CRY1: variants seen among roughly 807,000 people sequenced by gnomAD.
CRY1 encodes the protein cryptochrome-1.
CRY1 carries 45 observed loss-of-function variants against 76.0 expected under a neutral mutation model. The observed-to-expected ratio is 0.59, with a 90% confidence interval of 0.47 to 0.76. The LOEUF (loss-of-function observed/expected upper bound fraction) is 0.76, where lower values mean the gene tolerates loss of function less well. Among genes scored for constraint, CRY1 ranks in the 30% least tolerant of loss-of-function variants. The pLI, the probability that CRY1 is intolerant of heterozygous loss-of-function variation, is 0.00. For missense variants in CRY1, 587 were observed against 716.4 expected, an observed-to-expected ratio of 0.82 and a Z score of 2.06; for synonymous variants, 248 against 244.0, an observed-to-expected ratio of 1.02 and a Z score of -0.15.
At chr12:107,024,578 C>T (rs986122826) in intron 1 of CRY1, among the ~76,000 whole-genome samples, 25 of 152,004 alleles carry the variant, frequency 1.6e-4, no homozygotes, top group African/African-American at 5.1e-4. Flanking sequence ...GGTCTCCCCA[C>T]GTTGCCCAGG....
chr12:107,052,115 A>C (rs1262373355), intron 1 of CRY1, among the ~76,000 whole-genome samples: 1 of 152,172 alleles, frequency 6.6e-6, no homozygotes, highest in East Asian at 1.9e-4. Context: ...TTACTTGGTA[A>C]GGATGATTTT....
intron 1 of CRY1, among the ~76,000 whole-genome samples, chr12:107,060,806 G>A (rs1472232389): frequency 2.0e-5 from 3 of 151,914 alleles, no homozygotes; most frequent in Admixed American, 6.6e-5. Context: ...GTGAAACCCC[G>A]TCTCTACTAA....
At chr12:107,061,342 C>T (rs956122850) in intron 1 of CRY1, among the ~76,000 whole-genome samples, 2 of 151,640 alleles carry the variant, frequency 1.3e-5, no homozygotes, top group Non-Finnish European at 2.9e-5. Context: ...TGCTTCAATT[C>T]AGGAAATAGT....
chr12:107,053,856 C>T (rs896310473), intron 1 of CRY1, among the ~76,000 whole-genome samples: 1 of 152,018 alleles, frequency 6.6e-6, no homozygotes, highest in African/African-American at 2.4e-5. Flanking sequence ...GATATTACCC[C>T]CAAAAAAAGT....
chr12:107,003,291 G>T (rs767679013), intron 3 of CRY1, among the ~76,000 whole-genome samples: 24 of 152,118 alleles, frequency 1.6e-4, no homozygotes, highest in Non-Finnish European at 3.1e-4. Flanking sequence ...GGTAGTTAAA[G>T]ATTAAGTTTA....
intron 1 of CRY1, among the ~76,000 whole-genome samples, chr12:107,053,032 C>A (rs967832340): frequency 2.0e-5 from 3 of 152,028 alleles, no homozygotes; most frequent in African/African-American, 7.2e-5. Flanking sequence ...ATGAGATGGT[C>A]CGAACTTGGA....
chr12:106,993,146 G>A, intron 10 of CRY1, 110 bp from the exon 11 acceptor site: 1 of 976,928 alleles, frequency 1.0e-6, no homozygotes, highest in Non-Finnish European at 1.5e-6. Context: ...TCATTTATAT[G>A]CTTTTAAGAC....
At chr12:107,029,941 C>T (rs969466859) in intron 1 of CRY1, among the ~76,000 whole-genome samples, 6 of 151,926 alleles carry the variant, frequency 3.9e-5, no homozygotes, top group African/African-American at 1.5e-4. Flanking sequence ...ATATGGGGAG[C>T]GGCTTAGGCA....
At chr12:107,009,317 T>C (rs1186408616) in intron 2 of CRY1, among the ~76,000 whole-genome samples, 1 of 151,764 alleles carries the variant, frequency 6.6e-6, no homozygotes, top group Non-Finnish European at 1.5e-5. Flanking sequence ...GGCAGGCGGA[T>C]AGCCTGAGCT....
chr12:107,025,282 T>A (rs546643203), intron 1 of CRY1, among the ~76,000 whole-genome samples: 1 of 152,230 alleles, frequency 6.6e-6, no homozygotes, highest in African/African-American at 2.4e-5. Flanking sequence ...ACACTACATA[T>A]GTATCTGGTT....
At chr12:107,044,699 C>T (rs1013732967) in intron 1 of CRY1, among the ~76,000 whole-genome samples, 7 of 152,046 alleles carry the variant, frequency 4.6e-5, no homozygotes, top group South Asian at 4.1e-4. Context: ...CAAACAAAAA[C>T]GCTGTAGCTG....
At chr12:107,040,270 CCT>C (rs1491535029) in intron 1 of CRY1, among the ~76,000 whole-genome samples, 14 of 92,798 alleles carry the variant, frequency 1.5e-4, no homozygotes, top group East Asian at 5.4e-4. Context: ...TACTTTCTTT[CCT>C]TTTTTTTTTT....
rs199698695 is a variant in CRY1 at position 107,036,579 on chromosome 12, TTGG to T, written c.159-14390_159-14388del. On this transcript the variant is annotated intron_variant, in intron 1 of 12. Coordinates refer to ENST00000008527, the MANE Select transcript of CRY1 (RefSeq NM_004075.5). ...CAATGACTTCCCAGTCCATTTAAAG[TTGG>T]TGGTTTTTTTTTTTTTTTAAGTCCT... 1.4e-3 allele frequency among the ~76,000 whole-genome samples: 206 copies of T among 147,522 alleles called. No homozygotes were observed. The East Asian group carries it at 0.014, about 10-fold the overall frequency.
chr12:107,061,877 A>G (rs1953051099), intron 1 of CRY1, among the ~76,000 whole-genome samples: 1 of 151,840 alleles, frequency 6.6e-6, no homozygotes, highest in South Asian at 2.1e-4. Flanking sequence ...TAGAAATCCT[A>G]TTATCTACTC....
In CRY1 at chr12:107,001,787, C is replaced by G. The variant is rs1340348892; in HGVS notation, c.572G>C (p.Gly191Ala). ...ACCTAGCTCTTCCAGTGAAGGGACT[C>G]CATATTTCTCATCATGGTCATCAGA... ...PLSDDHDEKY[G>A]VPSLEELGFD... The change falls in exon 4 of 13, where the codon GGA becomes GCA. Residue 191 changes from glycine (G) to alanine (A), a missense_variant. Coordinates refer to ENST00000008527, the MANE Select transcript of CRY1 (RefSeq NM_004075.5). 6.4e-7 allele frequency: 1 copy of G among 1,568,678 alleles called. No homozygotes were observed. The highest frequency in any genetic ancestry group is 8.6e-7 in the Non-Finnish European group (1 of 1,167,976).
chr12:107,004,599 T>C (rs964001444), intron 3 of CRY1, among the ~76,000 whole-genome samples: 2 of 152,182 alleles, frequency 1.3e-5, no homozygotes, highest in African/African-American at 4.8e-5. Context: ...AAATATTCTA[T>C]TATGCCATTG....
At chr12:107,035,456 G>A (rs182749168) in intron 1 of CRY1, among the ~76,000 whole-genome samples, 1 of 152,206 alleles carries the variant, frequency 6.6e-6, no homozygotes, top group African/African-American at 2.4e-5. Flanking sequence ...TGATAATGAT[G>A]ATTACAGCTG....
At chr12:107,009,555 C>CAAACAAAAA (rs1555275522) in intron 2 of CRY1, among the ~76,000 whole-genome samples, 1 of 32,154 alleles carries the variant, frequency 3.1e-5, no homozygotes, top group East Asian at 1.0e-3. Flanking sequence ...AACAAAAAAA[C>CAAACAAAAA]AAAAAAACAT....
Position 107,033,483 on chromosome 12 carries a change from A to T in CRY1, c.159-11291T>A, listed in dbSNP as rs566824378. 1.7e-4 allele frequency among the ~76,000 whole-genome samples: 26 copies of T among 152,314 alleles called. 1 individual carries two copies. In the South Asian group the frequency reaches 4.6e-3, roughly 27 times the overall value. On this transcript the variant is annotated intron_variant, in intron 1 of 12. Coordinates refer to ENST00000008527, the MANE Select transcript of CRY1 (RefSeq NM_004075.5). ...AGAAAATTATAAACTAATTTCACTC[A>T]TGAGCATATTATCACAGCAAACCAA...
Sources: allele counts gnomAD v4.1 joint callset (sites outside exome capture counted in the v4.1 genomes callset), GRCh38; gene constraint gnomAD v4.1.1; transcripts MANE v1.5; gene names NCBI Gene and HGNC (gene_info 2026-07-23, HGNC 2026-07-21).